Variants in SYNE2 observed in about 807,000 individuals in gnomAD.
The protein encoded by SYNE2 is nesprin-2.
Under a neutral mutation model 856.3 loss-of-function variants are expected in SYNE2, and 431 were observed. The observed-to-expected ratio is 0.50, with a 90% confidence interval of 0.47 to 0.55. SYNE2 has a LOEUF of 0.55. SYNE2 is among the 20% of genes least tolerant of loss of function. The probability of loss-of-function intolerance (pLI) is 0.00; values close to 1 mark genes in which losing one functional copy is unlikely to be tolerated. For missense variants in SYNE2, 8,129 were observed against 8,023.2 expected (o/e 1.01, Z -0.50); for synonymous variants, 2,923 against 2,872.3 (o/e 1.02, Z -0.56).
At chr14:63,781,908 C>T (rs902006049) in intron 1 of SYNE2, among the ~76,000 whole-genome samples, 10 of 151,582 alleles carry the variant, frequency 6.6e-5, no homozygotes, top group African/African-American at 2.4e-4. Context: ...TTTGAAAGGC[C>T]GAGGCAGGAG....
At position 64,009,988 on chromosome 14, in the gene SYNE2, T is replaced by C; in HGVS notation, c.4600T>C (p.Leu1534=). 6 of 1,613,892 alleles carry C rather than the reference T, an allele frequency of 3.7e-6. No individual in the cohort carries two copies. The highest frequency in any genetic ancestry group is 1.3e-5 in the African/African-American group (1 of 75,044). Residue 1534 remains leucine (L), a synonymous_variant, in exon 32 of 116, where the codon TTG becomes CTG. Coordinates refer to ENST00000555002, the MANE Select transcript of SYNE2 (RefSeq NM_182914.3). ...TAGTCTTGAACAATGTGGGAGAGTT[T>C]TGGAGCTCTTAAAACAATATCAGAA... ...TECLEQCGRV[L]ELLKQYQNFK... is the part of the protein sequence containing the mutation.
Position 64,225,306 on chromosome 14 carries a change from C to G in SYNE2, c.20517-13C>G. The G allele has an allele frequency of 6.2e-7, 1 of 1,614,110 alleles. No individual in the cohort carries two copies. The highest frequency in any genetic ancestry group is 8.5e-7 in the Non-Finnish European group (1 of 1,180,030). On this transcript the variant is annotated splice_polypyrimidine_tract_variant and intron_variant, in intron 115 of 115. Transcript: ENST00000555002. ...GAGCCTCCCAATCAGCTCTCAACCT[C>G]CTCTGTTGGCAGGGTCCCCGGCAGC...
rs184793353 is a variant in SYNE2 at position 63,834,930 on chromosome 14, G to A, written c.-304-17571G>A. Among the ~76,000 whole-genome samples the A allele has an allele frequency of 3.9e-5, 6 of 152,106 alleles. No individual in the cohort carries two copies. In the East Asian group the frequency reaches 7.7e-4, roughly 20 times the overall value. ...TGGGATTACAGGCATGAGTCACCAC[G>A]CCTGGCCACATTTGTCCAATTTCTT... On this transcript the variant is annotated intron_variant, in intron 1 of 23. Coordinates refer to the SYNE2 transcript ENST00000674003.
chr14:64,119,728 G>T (rs1482276458), intron 67 of SYNE2, 119 bp downstream of exon 67: 7 of 995,532 alleles, frequency 7.0e-6, no homozygotes, highest in South Asian at 1.6e-5. Context: ...AAGTGTGAAA[G>T]AATTTCACAC....
At chr14:64,125,279 C>T in intron 71 of SYNE2, 69 bp downstream of exon 71, 1 of 1,601,740 alleles carries the variant, frequency 6.2e-7, no homozygotes, top group Non-Finnish European at 8.5e-7. Flanking sequence ...ATCATTGTGA[C>T]TTGGTCATAA....
chr14:63,963,474 C>T (rs904198799), intron 9 of SYNE2, among the ~76,000 whole-genome samples: 1 of 152,182 alleles, frequency 6.6e-6, no homozygotes, highest in African/African-American at 2.4e-5. Context: ...TTAATGATAG[C>T]ATAGCTAAAA....
At chr14:63,878,172 C>G (rs1365397501) in intron 1 of SYNE2, among the ~76,000 whole-genome samples, 2 of 152,168 alleles carry the variant, frequency 1.3e-5, no homozygotes, top group Non-Finnish European at 2.9e-5. Context: ...CAGGCTTGAG[C>G]CATCACACCC....
At chr14:63,857,939 G>A (rs1892296928) in intron 1 of SYNE2, among the ~76,000 whole-genome samples, 1 of 152,054 alleles carries the variant, frequency 6.6e-6, no homozygotes, top group South Asian at 2.1e-4. Flanking sequence ...GAATACCATA[G>A]ATTGGGTAAT....
intron 77 of SYNE2, 41 bp downstream of exon 77, chr14:64,132,479 G>A: frequency 6.2e-7 from 1 of 1,612,788 alleles, no homozygotes; most frequent in Non-Finnish European, 8.5e-7. Flanking sequence ...GCTGGGAATT[G>A]CTGATTTTCC....
intron 1 of SYNE2, among the ~76,000 whole-genome samples, chr14:63,770,726 C>T (rs1227154931): frequency 1.3e-5 from 2 of 151,998 alleles, no homozygotes; most frequent in African/African-American, 2.4e-5. Context: ...GGAGATTGAG[C>T]CTGCAGTGAG....
At chr14:64,022,230 A>G (rs1218403476) in intron 37 of SYNE2, among the ~76,000 whole-genome samples, 2 of 152,176 alleles carry the variant, frequency 1.3e-5, no homozygotes, top group Non-Finnish European at 2.9e-5. Flanking sequence ...GCAAGCTCCA[A>G]ACCTTTATTT....
intron 1 of SYNE2, among the ~76,000 whole-genome samples, chr14:63,800,713 A>G (rs1160958824): frequency 6.6e-6 from 1 of 152,254 alleles, no homozygotes; most frequent in Non-Finnish European, 1.5e-5. Context: ...ATGCAGGAAC[A>G]GAAAACCAAA....
intron 1 of SYNE2, among the ~76,000 whole-genome samples, chr14:63,900,182 C>CCA (rs2095316948): frequency 6.6e-6 from 1 of 152,162 alleles, no homozygotes. Context: ...TGGTTGGTGA[C>CCA]ACTGCTTTGT....
chr14:63,763,442 G>A (rs1886564067), intron 1 of SYNE2, among the ~76,000 whole-genome samples: 1 of 151,930 alleles, frequency 6.6e-6, no homozygotes, highest in African/African-American at 2.4e-5. Context: ...TGGTTTGGTG[G>A]GTCAGGCTTG....
At chr14:63,835,622 T>C (rs1344528867) in intron 1 of SYNE2, among the ~76,000 whole-genome samples, 2 of 152,092 alleles carry the variant, frequency 1.3e-5, no homozygotes, top group Non-Finnish European at 2.9e-5. Flanking sequence ...TACATGTTAA[T>C]CTTTGAGATA....
Position 64,078,615 on chromosome 14 carries a change from C to T in SYNE2, c.11163+9C>T. ...CTCAAGAAATTCAAAAGGTAAAATC[C>T]TCCTTTAACTCCCTTCAGCATTTGG... On this transcript the variant is annotated intron_variant, in intron 55 of 115. Coordinates refer to ENST00000555002, the MANE Select transcript of SYNE2 (RefSeq NM_182914.3). 6.2e-7 allele frequency: 1 copy of T among 1,613,324 alleles called. No homozygotes were observed. Among genetic ancestry groups the T allele is most frequent in the Non-Finnish European group, 8.5e-7 (1 of 1,179,732 alleles).
intron 57 of SYNE2, among the ~76,000 whole-genome samples, chr14:64,086,859 G>A (rs533755538): frequency 2.0e-5 from 3 of 151,342 alleles, no homozygotes; most frequent in South Asian, 4.2e-4. Flanking sequence ...ACAGGCTTCC[G>A]CCACCACACC....
rs775164302 is a variant in SYNE2, at chr14:64,078,535, G to A, written c.11092G>A (p.Gly3698Arg). ...GAGAAAAATAGAAGAAATTAACAAT[G>A]GGCTTCATAATGTTGAAAAGATGTT... ...MRRKIEEINN[G>R]LHNVEKMLQQ... Residue 3698 changes from glycine (G) to arginine (R), a missense_variant, in exon 55 of 116, where the codon GGG becomes AGG. Transcript: ENST00000555002. 9.9e-6 allele frequency: 16 copies of A among 1,613,934 alleles called. No individual in the cohort carries two copies. Among genetic ancestry groups the A allele is most frequent in the Non-Finnish European group, 1.4e-5 (16 of 1,179,948 alleles).
At chr14:64,073,928 C>T in intron 52 of SYNE2, 40 bp from the exon 53 acceptor site, 1 of 1,590,350 alleles carries the variant, frequency 6.3e-7, no homozygotes, top group East Asian at 2.2e-5. Flanking sequence ...CATAGAAGAG[C>T]AGGATAAAGA....
Sources: gnomAD v4.1 joint callset for allele counts (sites outside exome capture counted in the v4.1 genomes callset) on GRCh38, gnomAD v4.1.1 for gene constraint, MANE v1.5 for transcripts, NCBI Gene and HGNC (gene_info 2026-07-23, HGNC 2026-07-21) for gene names.